The following ITPR2 variants were observed in gnomAD, a reference collection of about 807,000 sequenced individuals.
ITPR2 encodes inositol 1,4,5-trisphosphate receptor type 2, also known as inositol 1,4,5-trisphosphate-gated calcium channel ITPR2.
ITPR2 carries 207 observed loss-of-function variants against 317.1 expected under a neutral mutation model. The ratio of observed to expected loss-of-function variants is 0.65; its 90% CI spans 0.58 to 0.73. ITPR2 has a LOEUF of 0.73. Among genes scored for constraint, ITPR2 ranks in the 30% least tolerant of loss-of-function variants. The probability of loss-of-function intolerance (pLI) is 0.00; values close to 1 mark genes in which losing one functional copy is unlikely to be tolerated. For synonymous variants in ITPR2, 1,156 were observed against 1,149.1 expected, an observed-to-expected ratio of 1.01 and a Z score of -0.12; for missense variants, 2,613 against 3,284.0, an observed-to-expected ratio of 0.80 and a Z score of 4.99.
At chr12:26,396,527 C>T (rs929704003) in intron 54 of ITPR2, among the ~76,000 whole-genome samples, 6 of 152,180 alleles carry the variant, frequency 3.9e-5, no homozygotes, top group Non-Finnish European at 7.4e-5. Context: ...TGACTTGGTA[C>T]TCTGAGTTGT....
At chr12:26,757,581 C>G (rs1222159834) in intron 2 of ITPR2, among the ~76,000 whole-genome samples, 1 of 152,108 alleles carries the variant, frequency 6.6e-6, no homozygotes, top group African/African-American at 2.4e-5. Context: ...TGAATTCTTT[C>G]ATGCTTGAAG....
chr12:26,735,858 T>G (rs1037958970), intron 2 of ITPR2, among the ~76,000 whole-genome samples: 24 of 152,318 alleles, frequency 1.6e-4, no homozygotes, highest in African/African-American at 5.8e-4. Flanking sequence ...CCTGTCAAAT[T>G]TGTATATAGA....
chr12:26,430,524 A>G (rs962326272), intron 48 of ITPR2, among the ~76,000 whole-genome samples: 5 of 152,194 alleles, frequency 3.3e-5, no homozygotes, highest in Non-Finnish European at 7.3e-5. Context: ...TTGGCCTCCC[A>G]AAGTGCTGGG....
At chr12:26,698,659 AC>A (rs1948392734) in intron 9 of ITPR2, among the ~76,000 whole-genome samples, 1 of 152,212 alleles carries the variant, frequency 6.6e-6, no homozygotes, top group South Asian at 2.1e-4. Context: ...GATACAGGTC[AC>A]CTGTTAATGC....
At chr12:26,493,751 T>C (rs1942864098) in intron 39 of ITPR2, among the ~76,000 whole-genome samples, 1 of 152,176 alleles carries the variant, frequency 6.6e-6, no homozygotes, top group Admixed American at 6.5e-5. Flanking sequence ...ATGTCTGTCA[T>C]CTGGGAACAC....
At chr12:26,507,857 C>CTGTGTGTGTGTG (rs369130996) in intron 37 of ITPR2, among the ~76,000 whole-genome samples, 16 of 88,330 alleles carry the variant, frequency 1.8e-4, no homozygotes, top group African/African-American at 5.4e-4. Context: ...TCTTCTCTCT[C>CTGTGTGTGTGTG]TGTCTCTGTG....
chr12:26,718,927 A>G (rs2137037665), intron 5 of ITPR2, among the ~76,000 whole-genome samples: 1 of 152,308 alleles, frequency 6.6e-6, no homozygotes, highest in South Asian at 2.1e-4. Context: ...ATATATTAAG[A>G]GACCAATCAT....
At chr12:26,816,335 G>A (rs962346317) in intron 1 of ITPR2, among the ~76,000 whole-genome samples, 1 of 152,076 alleles carries the variant, frequency 6.6e-6, no homozygotes, top group Admixed American at 6.6e-5. Flanking sequence ...TGCCATTAAC[G>A]TCATGGTGAT....
chr12:26,507,853 C>CTGTGTGTGTGTGTGTGTG (rs541133629), intron 37 of ITPR2, among the ~76,000 whole-genome samples: 3 of 107,434 alleles, frequency 2.8e-5, no homozygotes, highest in Admixed American at 8.8e-5. Context: ...CTACTCTTCT[C>CTGTGTGTGTGTGTGTGTG]TCTCTGTCTC....
intron 55 of ITPR2, among the ~76,000 whole-genome samples, chr12:26,356,993 A>T (rs1367889242): frequency 6.6e-6 from 1 of 152,242 alleles, no homozygotes; most frequent in Non-Finnish European, 1.5e-5. Flanking sequence ...TACATGATGA[A>T]GCCAGTCTGA....
chr12:26,754,646 T>C (rs951081738), intron 2 of ITPR2, among the ~76,000 whole-genome samples: 9 of 152,200 alleles, frequency 5.9e-5, no homozygotes, highest in African/African-American at 1.4e-4. Flanking sequence ...TTAAGTAAGA[T>C]AGGAAAAGCT....
intron 30 of ITPR2, among the ~76,000 whole-genome samples, chr12:26,597,648 T>G (rs6487563): frequency 2.6e-5 from 4 of 151,960 alleles, no homozygotes; most frequent in Admixed American, 2.0e-4. Context: ...AAAAGCAGAG[T>G]TAAGAGAAAT....
At chr12:26,428,913 G>A (rs1375090633) in intron 48 of ITPR2, among the ~76,000 whole-genome samples, 3 of 152,112 alleles carry the variant, frequency 2.0e-5, no homozygotes, top group Admixed American at 1.3e-4. Context: ...ATCAGCTCTG[G>A]GGCCTCAAAT....
At chr12:26,536,338 C>T (rs1398760581) in intron 37 of ITPR2, among the ~76,000 whole-genome samples, 1 of 152,196 alleles carries the variant, frequency 6.6e-6, no homozygotes, top group Non-Finnish European at 1.5e-5. Flanking sequence ...TCAGGAGGAA[C>T]AGCCCCTTCC....
chr12:26,742,687 G>A (rs917957344), intron 2 of ITPR2, among the ~76,000 whole-genome samples: 9 of 151,912 alleles, frequency 5.9e-5, no homozygotes, highest in Admixed American at 2.0e-4. Context: ...GGTGGCGGGT[G>A]CCTGTAATCC....
intron 2 of ITPR2, among the ~76,000 whole-genome samples, chr12:26,788,314 A>G (rs564907537): frequency 6.6e-6 from 1 of 152,286 alleles, no homozygotes; most frequent in African/African-American, 2.4e-5. Context: ...TGTTCTTGTT[A>G]TTAGCCACTT....
intron 9 of ITPR2, among the ~76,000 whole-genome samples, chr12:26,705,325 T>C (rs1948530152): frequency 6.6e-6 from 1 of 152,208 alleles, no homozygotes; most frequent in Non-Finnish European, 1.5e-5. Context: ...AGCAGATTTG[T>C]TTCTGGCCTG....
intron 2 of ITPR2, among the ~76,000 whole-genome samples, chr12:26,763,249 T>C (rs962414079): frequency 6.6e-6 from 1 of 152,134 alleles, no homozygotes; most frequent in African/African-American, 2.4e-5. Flanking sequence ...TATACATTTT[T>C]TCTTTGCCAA....
chr12:26,418,961 TA>T (rs201165707), intron 50 of ITPR2, 87 bp downstream of exon 50: 15,726 of 944,810 alleles, frequency 0.017, 1 homozygote, highest in South Asian at 0.025. Flanking sequence ...AGGCTTTGCT[TA>T]AAAAAAAAAA....
Sources: allele counts gnomAD v4.1 joint callset (sites outside exome capture counted in the v4.1 genomes callset), GRCh38; gene constraint gnomAD v4.1.1; transcripts MANE v1.5; gene names NCBI Gene and HGNC (gene_info 2026-07-23, HGNC 2026-07-21).